ILDR1: variants seen among roughly 807,000 people sequenced by gnomAD.
ILDR1 encodes the protein immunoglobulin like domain containing receptor 1.
Under a neutral mutation model 62.4 loss-of-function variants are expected in ILDR1, and 56 were observed. The observed-to-expected ratio is 0.90, with a 90% CI of 0.72 to 1.12. The LOEUF (loss-of-function observed/expected upper bound fraction) is 1.12, where lower values mean the gene tolerates loss of function less well. Among genes scored for constraint, ILDR1 ranks in the 50% most tolerant of loss-of-function variants. The probability of loss-of-function intolerance (pLI) is 0.00; values close to 1 mark genes in which losing one functional copy is unlikely to be tolerated. For missense variants in ILDR1, 736 were observed against 710.6 expected (o/e 1.04, Z -0.41); for synonymous variants, 284 against 277.8 (o/e 1.02, Z -0.22).
upstream of ILDR1, among the ~76,000 whole-genome samples, chr3:122,024,557 C>T (rs1361353907): frequency 1.3e-5 from 2 of 152,182 alleles, no homozygotes; most frequent in African/African-American, 4.8e-5. Context: ...CTTATTTTCA[C>T]CTGCTTCTCT....
chr3:122,017,348 C>T (rs1159543132), intron 1 of ILDR1, among the ~76,000 whole-genome samples: 4 of 152,204 alleles, frequency 2.6e-5, no homozygotes, highest in Admixed American at 2.6e-4. Flanking sequence ...CGTGCCCGGC[C>T]AGAGTCTTCT....
chr3:122,012,528 A>T (rs1378984865), intron 1 of ILDR1, among the ~76,000 whole-genome samples: 1 of 152,206 alleles, frequency 6.6e-6, no homozygotes, highest in African/African-American at 2.4e-5. Context: ...ACTCTAGTCA[A>T]CATTAGTTGC....
rs186006551 is a variant in ILDR1, at chr3:122,003,822, G to A, written c.379+1422C>T. On this transcript the variant is annotated intron_variant, in intron 3 of 7. Transcript: ENST00000344209. ...ATAAGAGCAGGGACTAGCTACTATG[G>A]GGATTTCCATCCTTCAGAAACTGTT... is the stretch of plus-strand genomic sequence containing the variant. Among the ~76,000 whole-genome samples, 451 of 151,098 alleles carry A rather than the reference G, an allele frequency of 3.0e-3. 5 individuals carry two copies. Among genetic ancestry groups the A allele is most frequent in the African/African-American group, 8.6e-3 (347 of 40,446 alleles).
chr3:122,022,475 C>G (rs987266561), upstream of ILDR1, among the ~76,000 whole-genome samples: 2 of 152,232 alleles, frequency 1.3e-5, no homozygotes, highest in African/African-American at 4.8e-5. Flanking sequence ...CCCTCTCCTT[C>G]TAGAATTATG....
intron 1 of ILDR1, 186 bp from the exon 2 acceptor site, chr3:122,007,347 G>GCACT (rs2071630880): frequency 7.5e-7 from 1 of 1,332,504 alleles, no homozygotes; most frequent in African/African-American, 1.4e-5. Context: ...AACGCACTCA[G>GCACT]CAGCCTCAGA....
At chr3:122,036,588 C>CA in the ILDR1 span, among the ~76,000 whole-genome samples, 9,044 of 98,420 alleles carry the variant, frequency 0.092, 361 homozygotes, top group Non-Finnish European at 0.13. Context: ...GACTCCATTT[C>CA]AAAAAAAAAA....
At chr3:122,049,736 G>T in the ILDR1 span, among the ~76,000 whole-genome samples, 1 of 152,176 alleles carries the variant, frequency 6.6e-6, no homozygotes, top group South Asian at 2.1e-4. Context: ...GTTTTAAGAG[G>T]TGGAGCCTCT....
the ILDR1 span, among the ~76,000 whole-genome samples, chr3:122,044,441 T>G: frequency 6.8e-6 from 1 of 147,812 alleles, no homozygotes; most frequent in Non-Finnish European, 1.5e-5. Context: ...TAAAATGAGT[T>G]AGGGAGAATT....
At chr3:122,025,181 T>G (rs2071909883), upstream of ILDR1, 2 of 152,246 alleles carry the variant, frequency 1.3e-5, no homozygotes, top group Admixed American at 6.5e-5. Flanking sequence ...GGCACTATTC[T>G]AGGCACTTTT....
chr3:122,027,163 A>G (rs2071928670), upstream of ILDR1, among the ~76,000 whole-genome samples: 1 of 152,194 alleles, frequency 6.6e-6, no homozygotes, highest in African/African-American at 2.4e-5. Flanking sequence ...AGTTAGTATC[A>G]AGCCAGCATT....
chr3:122,035,530 T>C, the ILDR1 span, among the ~76,000 whole-genome samples: 6 of 152,304 alleles, frequency 3.9e-5, no homozygotes, highest in South Asian at 4.1e-4. Context: ...TGAGAGGTGA[T>C]TGGATCGTGG....
rs771335457 is a variant in ILDR1 at position 121,993,264 on chromosome 3, G to A, written c.1485C>T (p.His495=). 10 of 1,613,552 alleles carry A rather than the reference G, an allele frequency of 6.2e-6. No individual in the cohort carries two copies. Among genetic ancestry groups the A allele is most frequent in the Non-Finnish European group, 8.5e-6 (10 of 1,179,772 alleles). The change falls in exon 7 of 8, where the codon CAC becomes CAT. Residue 495 remains histidine, a synonymous_variant. Coordinates refer to ENST00000344209, the MANE Select transcript of ILDR1 (RefSeq NM_001199799.2). Reference sequence around the variant, plus strand: ...AGTGTGGGGAGTGCGAGCCGCGGCGGTGGGCCCGCCAGCTCTGGGGCTGCC... The same window carrying A: ...AGTGTGGGGAGTGCGAGCCGCGGCGATGGGCCCGCCAGCTCTGGGGCTGCC... ...KERQPQSWRA[H]RRGSHSPHWP... is the part of the protein sequence containing the mutation.
At chr3:122,027,994 T>C in the ILDR1 span, among the ~76,000 whole-genome samples, 2 of 151,972 alleles carry the variant, frequency 1.3e-5, no homozygotes, top group African/African-American at 4.8e-5. Flanking sequence ...TGTATTAGAA[T>C]TGAGTAAAAT....
chr3:122,018,070 C>G (rs1216169840), intron 1 of ILDR1, among the ~76,000 whole-genome samples: 1 of 152,142 alleles, frequency 6.6e-6, no homozygotes. Context: ...ATAAATCATT[C>G]TACGATAGAG....
chr3:122,011,668 C>T (rs2071704612), intron 1 of ILDR1, among the ~76,000 whole-genome samples: 11 of 150,082 alleles, frequency 7.3e-5, no homozygotes, highest in African/African-American at 2.7e-4. Flanking sequence ...CTCTCTCTCT[C>T]TCTCTCTTTC....
chr3:122,040,443 A>G, the ILDR1 span, among the ~76,000 whole-genome samples: 1 of 150,798 alleles, frequency 6.6e-6, no homozygotes, highest in East Asian at 1.9e-4. Flanking sequence ...CTTAATGCAA[A>G]CATGTTTGGA....
At chr3:122,012,006 C>T (rs929811443) in intron 1 of ILDR1, among the ~76,000 whole-genome samples, 1 of 152,174 alleles carries the variant, frequency 6.6e-6, no homozygotes, top group Non-Finnish European at 1.5e-5. Context: ...GCTTGATCTT[C>T]CAAAGTAGAA....
intron 3 of ILDR1, among the ~76,000 whole-genome samples, chr3:122,004,143 T>C (rs946420748): frequency 1.3e-5 from 2 of 152,224 alleles, no homozygotes; most frequent in Non-Finnish European, 2.9e-5. Context: ...TTCCTTGATA[T>C]TGTAGCGATG....
chr3:122,030,581 T>C, the ILDR1 span, among the ~76,000 whole-genome samples: 17 of 151,994 alleles, frequency 1.1e-4, no homozygotes, highest in South Asian at 4.2e-4. Context: ...TCCCTTTCAT[T>C]ATCTCTGTGA....
Sources: gnomAD v4.1 joint callset for allele counts (sites outside exome capture counted in the v4.1 genomes callset) on GRCh38, gnomAD v4.1.1 for gene constraint, MANE v1.5 for transcripts, NCBI Gene and HGNC (gene_info 2026-07-23, HGNC 2026-07-21) for gene names.